FRMD6: variants seen among roughly 807,000 people sequenced by gnomAD.
The protein encoded by FRMD6 is FERM domain containing 6.
In FRMD6, 37 loss-of-function variants were observed where a neutral mutation model predicts 73.2. That is an observed-to-expected ratio of 0.51 (90% CI 0.39 to 0.66). The LOEUF is 0.66. Ranked by LOEUF, FRMD6 falls within the 30% of genes least tolerant of loss-of-function variation. The pLI, the probability that FRMD6 is intolerant of heterozygous loss-of-function variation, is 0.00. For synonymous variants in FRMD6, 273 were observed against 282.2 expected, an observed-to-expected ratio of 0.97 and a Z score of 0.33; for missense variants, 714 against 780.5, an observed-to-expected ratio of 0.91 and a Z score of 1.02.
At chr14:51,409,074 G>A in the FRMD6 span, among the ~76,000 whole-genome samples, 3 of 152,134 alleles carry the variant, frequency 2.0e-5, no homozygotes. Context: ...GAGAGAGACA[G>A]TTTTTCTCAC....
chr14:51,522,496 T>C (rs1885007779), intron 1 of FRMD6, among the ~76,000 whole-genome samples: 1 of 152,188 alleles, frequency 6.6e-6, no homozygotes, highest in Non-Finnish European at 1.5e-5. Context: ...TAAAACCCTG[T>C]AGCACCATGT....
rs1192610796 is a variant in FRMD6 at position 51,654,997 on chromosome 14, T to C, written c.-147+3001T>C. 2.0e-5 allele frequency among the ~76,000 whole-genome samples: 3 copies of C among 151,828 alleles called. No individual in the cohort carries two copies. The East Asian group carries it at 5.8e-4, about 29-fold the overall frequency. On this transcript the variant is annotated intron_variant, in intron 1 of 13. Coordinates refer to ENST00000344768, the MANE Select transcript of FRMD6 (RefSeq NM_001267046.2). ...TTTGTGTATCCTTATGGGTAAAGCA[T>C]AGAAATTTTGGCTCTCATTTTTGCA...
At chr14:51,646,131 A>G (rs1259373840) in intron 2 of FRMD6, among the ~76,000 whole-genome samples, 1 of 151,916 alleles carries the variant, frequency 6.6e-6, no homozygotes, top group Non-Finnish European at 1.5e-5. Flanking sequence ...ATCCTGGCTA[A>G]CACAGCGAAA....
the FRMD6 span, among the ~76,000 whole-genome samples, chr14:51,422,106 G>A: frequency 2.6e-5 from 4 of 152,112 alleles, no homozygotes; most frequent in African/African-American, 9.7e-5. Flanking sequence ...TTATTGAGAT[G>A]TAATTTATAT....
At chr14:51,677,088 G>A (rs1342762004) in intron 1 of FRMD6, among the ~76,000 whole-genome samples, 2 of 151,954 alleles carry the variant, frequency 1.3e-5, no homozygotes, top group Non-Finnish European at 2.9e-5. Context: ...ATTTTTCACT[G>A]CTTAATTGTT....
chr14:51,602,675 G>T (rs1329469591), intron 2 of FRMD6, among the ~76,000 whole-genome samples: 1 of 152,132 alleles, frequency 6.6e-6, no homozygotes, highest in African/African-American at 2.4e-5. Context: ...TTTACTACCT[G>T]CCCCTTTACA....
Position 51,536,076 on chromosome 14 carries a change from TTTTA to T in FRMD6, c.-209-34270_-209-34267del, listed in dbSNP as rs369267825. On this transcript the variant is annotated intron_variant, in intron 1 of 14. Transcript: ENST00000356218. ...TATATTGCATTATATTATATATATA[TTTTA>T]TATATATATATATATATAGAGAGAG... Among the ~76,000 whole-genome samples the T allele has an allele frequency of 6.0e-3, 838 of 140,736 alleles. 12 individuals carry two copies. The highest frequency in any genetic ancestry group is 0.036 in the Admixed American group (502 of 13,824). The allele number at this position is 140,736 out of a possible 152,430, so 92.3% of individuals were successfully genotyped here.
At chr14:51,594,879 G>T (rs1410918281) in intron 2 of FRMD6, among the ~76,000 whole-genome samples, 1 of 152,236 alleles carries the variant, frequency 6.6e-6, no homozygotes, top group Non-Finnish European at 1.5e-5. Flanking sequence ...ACTCTGGCCA[G>T]AATTGTTAAG....
chr14:51,591,762 C>G lies in FRMD6; in HGVS notation c.-147+21352C>G, dbSNP rs868366974. Among the ~76,000 whole-genome samples, 9 of 152,254 alleles carry G rather than the reference C, an allele frequency of 5.9e-5. No individual in the cohort carries two copies. In the South Asian group the frequency reaches 6.2e-4, roughly 11 times the overall value. On this transcript the variant is annotated intron_variant, in intron 2 of 14. Transcript: ENST00000356218. Reference sequence around the variant, plus strand: ...TTCACCATGTTGGCAAGGCTGGTCTCAAACTCCTGACTTCGTGATCCACCC... The same window carrying G: ...TTCACCATGTTGGCAAGGCTGGTCTGAAACTCCTGACTTCGTGATCCACCC...
At chr14:51,433,225 G>A in the FRMD6 span, among the ~76,000 whole-genome samples, 24 of 152,086 alleles carry the variant, frequency 1.6e-4, no homozygotes, top group Non-Finnish European at 4.4e-5. Context: ...TGATATGACA[G>A]TACATATATA....
the FRMD6 span, among the ~76,000 whole-genome samples, chr14:51,399,348 C>G: frequency 6.6e-6 from 1 of 152,158 alleles, no homozygotes; most frequent in Non-Finnish European, 1.5e-5. Flanking sequence ...ATATTAAGGG[C>G]TCAATAAATA....
At chr14:51,423,653 T>C in the FRMD6 span, among the ~76,000 whole-genome samples, 1 of 152,212 alleles carries the variant, frequency 6.6e-6, no homozygotes, top group Non-Finnish European at 1.5e-5. Context: ...GTGCCAGGAC[T>C]CTCCGGAAGG....
chr14:51,698,365 T>G (rs6572784), intron 3 of FRMD6, 133 bp downstream of exon 3: 270,592 of 476,114 alleles, frequency 0.57, 78,149 homozygotes, highest in East Asian at 0.67. Context: ...TGATTTTCAT[T>G]TTTAGTGTAG....
intron 3 of FRMD6, among the ~76,000 whole-genome samples, chr14:51,699,593 C>T (rs937358374): frequency 1.3e-5 from 2 of 152,056 alleles, no homozygotes. Flanking sequence ...GCACCCCTAA[C>T]TAGCACTTGA....
chr14:51,514,999 A>G (rs1240339447), intron 1 of FRMD6, among the ~76,000 whole-genome samples: 1 of 152,200 alleles, frequency 6.6e-6, no homozygotes, highest in Non-Finnish European at 1.5e-5. Context: ...GAGTTTTCAC[A>G]TACATCCCAA....
At chr14:51,624,271 A>G (rs957329780) in intron 2 of FRMD6, among the ~76,000 whole-genome samples, 1 of 152,234 alleles carries the variant, frequency 6.6e-6, no homozygotes, top group Non-Finnish European at 1.5e-5. Context: ...TATGTAACAA[A>G]CCTTCACATC....
chr14:51,522,005 G>C (rs1382187711), intron 1 of FRMD6, among the ~76,000 whole-genome samples: 1 of 152,082 alleles, frequency 6.6e-6, no homozygotes, highest in Non-Finnish European at 1.5e-5. Flanking sequence ...GAAAATGTGG[G>C]TATAGAATGA....
At chr14:51,493,369 G>A (rs566034571) in intron 1 of FRMD6, among the ~76,000 whole-genome samples, 10 of 152,230 alleles carry the variant, frequency 6.6e-5, no homozygotes, top group East Asian at 1.9e-4. Flanking sequence ...AATACATGTC[G>A]TAGGAGGGAC....
At chr14:51,710,270 A>T (rs4432190) in intron 7 of FRMD6, among the ~76,000 whole-genome samples, 2 of 151,928 alleles carry the variant, frequency 1.3e-5, no homozygotes, top group African/African-American at 4.8e-5. Flanking sequence ...TATTCTTTGG[A>T]GAAATTCAGC....
Sources: allele counts gnomAD v4.1 joint callset (sites outside exome capture counted in the v4.1 genomes callset), GRCh38; gene constraint gnomAD v4.1.1; transcripts MANE v1.5; gene names NCBI Gene and HGNC (gene_info 2026-07-23, HGNC 2026-07-21).